The following TBC1D9 variants were observed in gnomAD, a reference collection of about 807,000 sequenced individuals.
The protein encoded by TBC1D9 is TBC1 domain family member 9A.
Under a neutral mutation model 132.0 loss-of-function variants are expected in TBC1D9, and 63 were observed. The observed-to-expected ratio is 0.48, with a 90% CI of 0.39 to 0.59. The LOEUF (loss-of-function observed/expected upper bound fraction) is 0.59, where lower values mean the gene tolerates loss of function less well. TBC1D9 is among the 20% of genes least tolerant of loss of function. The probability of loss-of-function intolerance (pLI) is 0.00; values close to 1 mark genes in which losing one functional copy is unlikely to be tolerated. For synonymous variants in TBC1D9, 610 were observed against 609.9 expected (o/e 1.00, Z 0.00); for missense variants, 1,261 against 1,592.7 (o/e 0.79, Z 3.54).
At chr4:140,716,064 ATG>A (rs1738329597) in intron 1 of TBC1D9, 1 of 152,244 alleles carries the variant, frequency 6.6e-6, no homozygotes, top group African/African-American at 2.4e-5. Flanking sequence ...TTGTAACAGG[ATG>A]TGTTTTCAAT....
chr4:140,728,317 A>G (rs543743075), intron 1 of TBC1D9, among the ~76,000 whole-genome samples: 23 of 152,154 alleles, frequency 1.5e-4, no homozygotes, highest in Non-Finnish European at 2.9e-4. Context: ...GTTGGCCATA[A>G]TCCAATGAAA....
chr4:140,694,827 TTTTC>T (rs1215987688), intron 2 of TBC1D9, among the ~76,000 whole-genome samples: 2 of 151,524 alleles, frequency 1.3e-5, no homozygotes, highest in African/African-American at 4.8e-5. Flanking sequence ...TGGTATTTTG[TTTTC>T]TTTTTTATTC....
chr4:140,661,801 T>C (rs1737365876), intron 10 of TBC1D9, 92 bp downstream of exon 10: 1 of 1,090,062 alleles, frequency 9.2e-7, no homozygotes, highest in Admixed American at 2.1e-5. Flanking sequence ...GTGATAGTTC[T>C]GTTAACCATA....
intron 1 of TBC1D9, among the ~76,000 whole-genome samples, chr4:140,711,504 T>C (rs1343716123): frequency 2.0e-5 from 3 of 152,162 alleles, no homozygotes; most frequent in African/African-American, 7.2e-5. Context: ...TCCTGAGATG[T>C]CAACCCTTCT....
intron 1 of TBC1D9, among the ~76,000 whole-genome samples, chr4:140,731,394 T>C (rs571824531): frequency 2.6e-5 from 4 of 152,152 alleles, no homozygotes; most frequent in Non-Finnish European, 4.4e-5. Flanking sequence ...TGACTACCCA[T>C]TAAAGAAGGA....
In TBC1D9 at chr4:140,706,685, A is replaced by G. The variant is rs770822078; in HGVS notation, c.131-5071T>C. Among the ~76,000 whole-genome samples the G allele has an allele frequency of 2.6e-5, 4 of 151,960 alleles. No homozygotes were observed. Among genetic ancestry groups the G allele is most frequent in the Non-Finnish European group, 5.9e-5 (4 of 67,978 alleles). On this transcript the variant is annotated intron_variant, in intron 1 of 20. Coordinates refer to ENST00000442267, the MANE Select transcript of TBC1D9 (RefSeq NM_015130.3). The surrounding 1 kb of genome is among the most constrained non-coding windows in gnomAD (Gnocchi z 4.0). ...GTATTCTTCCTATCCAGGTCCTTAT[A>G]CTTTTACTGAGCCATGTTTTTCATA...
At chr4:140,688,752 G>C (rs1163785573) in intron 2 of TBC1D9, among the ~76,000 whole-genome samples, 1 of 152,166 alleles carries the variant, frequency 6.6e-6, no homozygotes, top group Non-Finnish European at 1.5e-5. Flanking sequence ...GCTAATGTCT[G>C]TCGACACATT....
At chr4:140,727,817 AG>A (rs1221609019) in intron 1 of TBC1D9, among the ~76,000 whole-genome samples, 3 of 151,976 alleles carry the variant, frequency 2.0e-5, no homozygotes, top group South Asian at 4.2e-4. Context: ...AAAAAAAAAA[AG>A]GGGTGGGAAT....
chr4:140,727,163 G>A (rs1738514706), intron 1 of TBC1D9, among the ~76,000 whole-genome samples: 1 of 152,192 alleles, frequency 6.6e-6, no homozygotes, highest in South Asian at 2.1e-4. Context: ...GCAGTTCACA[G>A]AGCCTAGTGT....
intron 6 of TBC1D9, among the ~76,000 whole-genome samples, chr4:140,674,693 T>TATATA (rs1426459765): frequency 1.5e-5 from 2 of 134,588 alleles, no homozygotes; most frequent in African/African-American, 6.1e-5. Context: ...ATATATATAT[T>TATATA]TTTTTTTAAT....
In TBC1D9 at chr4:140,754,262, G is replaced by A. The variant is rs138437047; in HGVS notation, c.130+1654C>T. ...GGTGTAGGAGGGTTAATTGCAGAAG[G>A]AAATGTTCTCTTTTTACTACAATAA... On this transcript the variant is annotated intron_variant, in intron 1 of 20. Transcript: ENST00000442267. 6.9e-4 allele frequency among the ~76,000 whole-genome samples: 105 copies of A among 152,248 alleles called. 1 individual carries two copies. The highest frequency in any genetic ancestry group is 2.4e-3 in the African/African-American group (101 of 41,538).
chr4:140,633,047 C>CT (rs544176314), intron 16 of TBC1D9, among the ~76,000 whole-genome samples: 401 of 152,210 alleles, frequency 2.6e-3, no homozygotes, highest in African/African-American at 4.2e-3. Flanking sequence ...TATCCCTTCC[C>CT]TTTTTAAAAA....
At chr4:140,641,356 C>G (rs1369724588) in intron 13 of TBC1D9, among the ~76,000 whole-genome samples, 9 of 152,174 alleles carry the variant, frequency 5.9e-5, no homozygotes, top group African/African-American at 2.2e-4. Flanking sequence ...GAGCCTTTGA[C>G]CTCTTTATCA....
rs370492021 is a variant in TBC1D9, at chr4:140,668,979, C to T, written c.1526G>A (p.Arg509Gln). 25 of 1,613,864 alleles carry T rather than the reference C, an allele frequency of 1.5e-5. No individual in the cohort carries two copies. The highest frequency in any genetic ancestry group is 4.0e-5 in the African/African-American group (3 of 74,920). ...CGGGATGCCCTTCAACACCAGCTCC[C>T]GCGTTTTCTCTGTGCGGTACATGCA... is the stretch of plus-strand genomic sequence containing the variant. ...GICMYRTEKT[R>Q]ELVLKGIPES... Residue 509 changes from arginine (R) to glutamine (Q), a missense_variant, in exon 9 of 21, where the codon CGG becomes CAG. Arg to Gln is a conservative substitution (Grantham distance 43, BLOSUM62 1). Around this residue, in one of 3 missense-constraint regions of TBC1D9, gnomAD observed 550 missense variants for 699.0 expected, o/e 0.79. Coordinates refer to ENST00000442267, the MANE Select transcript of TBC1D9 (RefSeq NM_015130.3).
chr4:140,750,119 A>T (rs886123309), intron 1 of TBC1D9, among the ~76,000 whole-genome samples: 8 of 151,010 alleles, frequency 5.3e-5, no homozygotes, highest in African/African-American at 2.0e-4. Flanking sequence ...AAAATAAAAT[A>T]AAATAAAATA....
At chr4:140,631,597 T>G (rs72718370) in intron 16 of TBC1D9, among the ~76,000 whole-genome samples, 151 of 101,382 alleles carry the variant, frequency 1.5e-3, no homozygotes, top group Non-Finnish European at 2.5e-3. Flanking sequence ...ATTTTTTAGT[T>G]TTTCTTTTTT....
chr4:140,718,465 T>C (rs1738373635), intron 1 of TBC1D9, among the ~76,000 whole-genome samples: 1 of 152,110 alleles, frequency 6.6e-6, no homozygotes, highest in African/African-American at 2.4e-5. Context: ...CTCCATGTAA[T>C]AATTACCCCA....
chr4:140,694,990 A>G (rs1434943634), intron 2 of TBC1D9, among the ~76,000 whole-genome samples: 1 of 152,242 alleles, frequency 6.6e-6, no homozygotes, highest in East Asian at 1.9e-4. Flanking sequence ...AGAAATAATT[A>G]TAAAAATACC....
At chr4:140,748,989 G>A (rs2111085139) in intron 1 of TBC1D9, among the ~76,000 whole-genome samples, 1 of 152,228 alleles carries the variant, frequency 6.6e-6, no homozygotes, top group African/African-American at 2.4e-5. Flanking sequence ...AACACAAATG[G>A]TATGTAAATT....
Sources: allele counts gnomAD v4.1 joint callset (sites outside exome capture counted in the v4.1 genomes callset), GRCh38; gene constraint gnomAD v4.1.1; regional missense constraint gnomAD v4.1.1; non-coding constraint Gnocchi (gnomAD v3.1); transcripts MANE v1.5; gene names NCBI Gene and HGNC (gene_info 2026-07-23, HGNC 2026-07-21).